SLC4A4: variants seen among roughly 807,000 people sequenced by gnomAD.
The protein encoded by SLC4A4 is electrogenic sodium bicarbonate cotransporter 1.
SLC4A4 carries 27 observed loss-of-function variants against 111.5 expected under a neutral mutation model. That is an observed-to-expected ratio of 0.24 (90% CI 0.18 to 0.33). The LOEUF (loss-of-function observed/expected upper bound fraction) is 0.33, where lower values mean the gene tolerates loss of function less well. Among genes scored for constraint, SLC4A4 ranks in the 10% least tolerant of loss-of-function variants. The pLI, the probability that SLC4A4 is intolerant of heterozygous loss-of-function variation, is 1.00. For missense variants in SLC4A4, 909 were observed against 1,315.5 expected, an observed-to-expected ratio of 0.69 and a Z score of 4.78; for synonymous variants, 443 against 463.4, an observed-to-expected ratio of 0.96 and a Z score of 0.57.
chr4:71,090,052 A>G (rs1184956203), intron 1 of SLC4A4, among the ~76,000 whole-genome samples: 1 of 151,842 alleles, frequency 6.6e-6, no homozygotes, highest in Non-Finnish European at 1.5e-5. Context: ...ACCCAGTTCG[A>G]GCTTCCTCGC....
At chr4:71,259,817 G>A (rs1721717902) in intron 3 of SLC4A4, among the ~76,000 whole-genome samples, 1 of 152,128 alleles carries the variant, frequency 6.6e-6, no homozygotes, top group South Asian at 2.1e-4. Flanking sequence ...GGCATCACAG[G>A]CTACTTTGTG....
intron 3 of SLC4A4, among the ~76,000 whole-genome samples, chr4:71,271,872 C>G (rs1209380492): frequency 1.3e-5 from 2 of 152,010 alleles, no homozygotes; most frequent in Admixed American, 1.3e-4. Context: ...TTTATTTAAC[C>G]CTCATGAACA....
At chr4:71,144,167 T>C (rs140548566) in intron 2 of SLC4A4, among the ~76,000 whole-genome samples, 150,562 of 152,338 alleles carry the variant, frequency 0.99, 74,423 homozygotes, top group East Asian at 1. Flanking sequence ...CTACATATGG[T>C]TAGCCAGTTT....
chr4:71,406,046 C>T (rs974467530), intron 7 of SLC4A4, among the ~76,000 whole-genome samples: 2 of 151,402 alleles, frequency 1.3e-5, no homozygotes, highest in African/African-American at 2.4e-5. Context: ...GGCTTCATCT[C>T]AAGAGCCCTT....
intron 3 of SLC4A4, among the ~76,000 whole-genome samples, chr4:71,334,788 T>A (rs977067277): frequency 1.3e-5 from 2 of 152,208 alleles, no homozygotes; most frequent in African/African-American, 2.4e-5. Flanking sequence ...TGAGTTGCTG[T>A]CTAATGAGTA....
At chr4:71,539,380 T>C (rs1319057469) in intron 18 of SLC4A4, among the ~76,000 whole-genome samples, 1 of 152,100 alleles carries the variant, frequency 6.6e-6, no homozygotes, top group Non-Finnish European at 1.5e-5. Context: ...AACTTCCATT[T>C]GTCCTAGCCT....
chr4:71,309,328 C>G (rs1725948038), intron 3 of SLC4A4, among the ~76,000 whole-genome samples: 1 of 152,162 alleles, frequency 6.6e-6, no homozygotes, highest in South Asian at 2.1e-4. Flanking sequence ...CTGAAGAGAC[C>G]AGTGGATCCT....
At chr4:71,547,429 G>T (rs1006527304) in intron 19 of SLC4A4, among the ~76,000 whole-genome samples, 1 of 151,928 alleles carries the variant, frequency 6.6e-6, no homozygotes, top group Admixed American at 6.6e-5. Flanking sequence ...TTCTTTCTTC[G>T]TGAATTCAAA....
At chr4:71,247,442 C>A (rs1720757735) in intron 2 of SLC4A4, among the ~76,000 whole-genome samples, 1 of 151,622 alleles carries the variant, frequency 6.6e-6, no homozygotes, top group South Asian at 2.1e-4. Context: ...CTATAGCAAC[C>A]AAGGACCCTT....
chr4:71,087,019 C>T lies in SLC4A4; in HGVS notation c.-64-5711C>T, dbSNP rs548486350. On this transcript the variant is annotated intron_variant, in intron 1 of 26. Transcript: ENST00000649996. Reference sequence around the variant, plus strand: ...TTGTACCTCTGGTAGAATTCGGCTGCGAATCCATCTGGTCCTGGACTTTTT... The same window carrying T: ...TTGTACCTCTGGTAGAATTCGGCTGTGAATCCATCTGGTCCTGGACTTTTT... Among the ~76,000 whole-genome samples, 217 of 152,000 alleles carry T rather than the reference C, an allele frequency of 1.4e-3. 2 individuals carry two copies. The highest frequency in any genetic ancestry group is 1.9e-3 in the Non-Finnish European group (131 of 68,000).
chr4:71,372,391 A>G (rs1341208416), intron 6 of SLC4A4, among the ~76,000 whole-genome samples: 2 of 152,344 alleles, frequency 1.3e-5, no homozygotes, highest in African/African-American at 4.8e-5. Context: ...GGCTGGGGAA[A>G]ACAAAGAGAA....
At chr4:71,466,737 T>A (rs1359476280) in intron 13 of SLC4A4, among the ~76,000 whole-genome samples, 160 bp downstream of exon 13, 1 of 152,106 alleles carries the variant, frequency 6.6e-6, no homozygotes. Flanking sequence ...AATTAGGTAG[T>A]CACCACTTGT....
intron 2 of SLC4A4, among the ~76,000 whole-genome samples, chr4:71,124,186 T>G (rs1386362883): frequency 6.6e-6 from 1 of 151,308 alleles, no homozygotes; most frequent in African/African-American, 2.4e-5. Flanking sequence ...TTTTTTTTTT[T>G]TTTTTGTGAC....
At chr4:71,327,342 T>G (rs2148873781) in intron 3 of SLC4A4, among the ~76,000 whole-genome samples, 1 of 152,178 alleles carries the variant, frequency 6.6e-6, no homozygotes, top group African/African-American at 2.4e-5. Context: ...TGATCGTGTT[T>G]TCCTTTAATT....
At chr4:71,193,349 C>T (rs2579364) in intron 1 of SLC4A4, among the ~76,000 whole-genome samples, 149,245 of 151,258 alleles carry the variant, frequency 0.99, 73,636 homozygotes, top group East Asian at 1. Context: ...TTAGTAGAGA[C>T]AGGGTTTCAC....
In SLC4A4 at chr4:71,560,246, AATG is replaced by A. The variant is rs764315473; in HGVS notation, c.3098_3099+1del. ...GAAGAAGGGAAGTCTGGACAGTGAC[AATG>A]ATGATGTAAGGAACTTTCCAAATTC... On this transcript the variant is annotated inframe_deletion, in exon 23 of 26. Coordinates refer to ENST00000264485, the MANE Select transcript of SLC4A4 (RefSeq NM_001098484.3). 19 of 1,607,518 alleles carry A rather than the reference AATG, an allele frequency of 1.2e-5. No individual in the cohort carries two copies. Among genetic ancestry groups the A allele is most frequent in the East Asian group, 9.0e-5 (4 of 44,440 alleles).
intron 2 of SLC4A4, among the ~76,000 whole-genome samples, chr4:71,130,231 A>AT (rs201785458): frequency 1.7e-4 from 26 of 151,618 alleles, no homozygotes; most frequent in East Asian, 9.7e-4. Flanking sequence ...TGTAATGTTA[A>AT]TTATTTTTTT....
At chr4:71,521,952 A>T (rs1432540845) in intron 16 of SLC4A4, among the ~76,000 whole-genome samples, 1 of 152,176 alleles carries the variant, frequency 6.6e-6, no homozygotes, top group Non-Finnish European at 1.5e-5. Context: ...GCCCATGGTC[A>T]ATGACCCAGT....
intron 1 of SLC4A4, among the ~76,000 whole-genome samples, chr4:71,068,192 G>A (rs1165608108): frequency 1.3e-5 from 2 of 151,204 alleles, no homozygotes; most frequent in Non-Finnish European, 2.9e-5. Flanking sequence ...AGCCACCCGA[G>A]TAGCTGGGAT....
Sources: gnomAD v4.1 joint callset for allele counts (sites outside exome capture counted in the v4.1 genomes callset) on GRCh38, gnomAD v4.1.1 for gene constraint, MANE v1.5 for transcripts, NCBI Gene and HGNC (gene_info 2026-07-23, HGNC 2026-07-21) for gene names.